Variants in XKR4 observed in about 807,000 individuals in gnomAD.
The protein encoded by XKR4 is XK-related protein 4.
XKR4 carries 12 observed loss-of-function variants against 53.9 expected under a neutral mutation model. That is an observed-to-expected ratio of 0.22 (90% CI 0.14 to 0.36). The LOEUF (loss-of-function observed/expected upper bound fraction) is 0.36. XKR4 is among the 10% of genes least tolerant of loss of function. The pLI is 1.00. For synonymous variants in XKR4, 354 were observed against 362.4 expected (o/e 0.98, Z 0.26); for missense variants, 799 against 859.5 (o/e 0.93, Z 0.88).
intron 1 of XKR4, among the ~76,000 whole-genome samples, chr8:55,269,283 T>G (rs1818654779): frequency 6.6e-6 from 1 of 152,138 alleles, no homozygotes; most frequent in South Asian, 2.1e-4. Context: ...CTTTTTTTTT[T>G]GTTCTAAGCT....
At chr8:55,289,749 AAGAAAGAAAGAG>A (rs1175295666) in intron 1 of XKR4, among the ~76,000 whole-genome samples, 2 of 147,258 alleles carry the variant, frequency 1.4e-5, no homozygotes, top group Non-Finnish European at 3.0e-5. Context: ...AAGAAAAAGA[AAGAAAGAAAGAG>A]AGAAAGAAAG....
chr8:55,382,100 A>G (rs918273036), intron 2 of XKR4, among the ~76,000 whole-genome samples: 7 of 152,244 alleles, frequency 4.6e-5, no homozygotes, highest in African/African-American at 1.2e-4. Context: ...GCTTTATAAC[A>G]TTGTAATTGG....
chr8:55,473,228 G>T (rs1164120279), intron 2 of XKR4, among the ~76,000 whole-genome samples: 1 of 152,046 alleles, frequency 6.6e-6, no homozygotes, highest in Non-Finnish European at 1.5e-5. Flanking sequence ...CCTTATAATT[G>T]ACCTGGCCTA....
intron 2 of XKR4, among the ~76,000 whole-genome samples, chr8:55,360,748 T>C (rs1037516433): frequency 1.3e-5 from 2 of 152,194 alleles, no homozygotes; most frequent in African/African-American, 4.8e-5. Flanking sequence ...TTTTAAAAAA[T>C]AAGAAAAATC....
intron 1 of XKR4, among the ~76,000 whole-genome samples, chr8:55,284,558 T>C (rs1188760152): frequency 6.6e-6 from 1 of 152,162 alleles, no homozygotes; most frequent in Non-Finnish European, 1.5e-5. Context: ...AGCATCTCCA[T>C]AGGTCTACTT....
intron 1 of XKR4, among the ~76,000 whole-genome samples, chr8:55,133,238 A>G (rs927199943): frequency 6.6e-6 from 1 of 152,262 alleles, no homozygotes; most frequent in Non-Finnish European, 1.5e-5. Context: ...AGAGTCTACA[A>G]TAAAGGGTAA....
chr8:55,420,063 C>T (rs1370190836), intron 2 of XKR4, among the ~76,000 whole-genome samples: 4 of 152,160 alleles, frequency 2.6e-5, no homozygotes, highest in South Asian at 2.1e-4. Context: ...CTATGACAAA[C>T]ATAGAAAGCA....
chr8:55,516,419 A>G (rs1585615404), intron 2 of XKR4, among the ~76,000 whole-genome samples: 1 of 152,228 alleles, frequency 6.6e-6, no homozygotes, highest in Admixed American at 6.5e-5. Flanking sequence ...GTTATGTTGT[A>G]AATCATCCAT....
chr8:55,157,454 A>G (rs1816923126), intron 1 of XKR4, among the ~76,000 whole-genome samples: 1 of 152,196 alleles, frequency 6.6e-6, no homozygotes, highest in African/African-American at 2.4e-5. Flanking sequence ...ATCTTCTGCA[A>G]GATGAGAAAA....
At position 55,102,389 on chromosome 8, in the gene XKR4, C is replaced by A; in HGVS notation, c.-100C>A. 1 of 1,387,272 alleles carries A rather than the reference C, an allele frequency of 7.2e-7. No individual in the cohort carries two copies. Among genetic ancestry groups the A allele is most frequent in the Admixed American group, 2.4e-5 (1 of 41,186 alleles). 85.9% of individuals were successfully genotyped at this position (1,387,272 alleles called of 1,614,324 possible). A position where few individuals can be genotyped will look rare whatever the true frequency, so the allele number is the denominator to read the frequency against. ...GCAGGAGGAGGGGGAGCCGCACCGC[C>A]TGGGAGGGAAGCCGGGGCGAGGCGA... On this transcript the variant is annotated 5_prime_UTR_variant, in exon 1 of 3. The change creates a new upstream start codon in the 5' untranslated region. Coordinates refer to ENST00000327381, the MANE Select transcript of XKR4 (RefSeq NM_052898.2). This position sits in a 1 kb window ranked among gnomAD's most constrained non-coding sequence, Gnocchi z 5.1.
chr8:55,282,975 TG>T (rs1201558135), intron 1 of XKR4, among the ~76,000 whole-genome samples: 1 of 152,190 alleles, frequency 6.6e-6, no homozygotes, highest in Non-Finnish European at 1.5e-5. Flanking sequence ...TTTCTTATAT[TG>T]AGACATATTC....
intron 1 of XKR4, among the ~76,000 whole-genome samples, chr8:55,326,996 T>C (rs1242463675): frequency 1.3e-5 from 2 of 152,054 alleles, no homozygotes; most frequent in African/African-American, 4.8e-5. Flanking sequence ...CTTGAAGTCA[T>C]CTTATTCGAG....
rs199780374 is a variant in XKR4, at chr8:55,303,788, C to T, written c.807-53890C>T. On this transcript the variant is annotated intron_variant, in intron 1 of 2. Transcript: ENST00000327381. Reference sequence around the variant, plus strand: ...AGATTTTCTAGTTTATTTGCGTAGACGTGTTTGTAGTATTCTCTGATGGTA... The same window carrying T: ...AGATTTTCTAGTTTATTTGCGTAGATGTGTTTGTAGTATTCTCTGATGGTA... Among the ~76,000 whole-genome samples, 72 of 151,324 alleles carry T rather than the reference C, an allele frequency of 4.8e-4. 1 individual carries two copies. In the South Asian group the frequency reaches 0.013, roughly 27 times the overall value.
At chr8:55,426,440 C>T (rs563031352) in intron 2 of XKR4, among the ~76,000 whole-genome samples, 3 of 152,206 alleles carry the variant, frequency 2.0e-5, no homozygotes, top group South Asian at 2.1e-4. Flanking sequence ...GTTTGGTGCC[C>T]TTACTGTACA....
chr8:55,109,015 T>A (rs1459623301), intron 1 of XKR4, among the ~76,000 whole-genome samples: 1 of 152,164 alleles, frequency 6.6e-6, no homozygotes, highest in African/African-American at 2.4e-5. Flanking sequence ...CCATAGTAAG[T>A]GCTGAACTGT....
chr8:55,428,762 C>T (rs1283259387), intron 2 of XKR4, among the ~76,000 whole-genome samples: 5 of 152,018 alleles, frequency 3.3e-5, no homozygotes, highest in East Asian at 3.9e-4. Flanking sequence ...AAAGCACTGA[C>T]GAAAGAAAGT....
intron 1 of XKR4, chr8:55,142,037 A>G (rs1816711944): frequency 2.2e-6 from 1 of 454,484 alleles, no homozygotes; most frequent in Non-Finnish European, 4.4e-6. Context: ...GGCTGAACTC[A>G]GAGCCCTGCC....
At chr8:55,330,963 A>G (rs1585524333) in intron 1 of XKR4, among the ~76,000 whole-genome samples, 1 of 152,258 alleles carries the variant, frequency 6.6e-6, no homozygotes, top group East Asian at 1.9e-4. Context: ...TATACATAAT[A>G]TAAAATTTAA....
rs1352050939 is a variant in XKR4 at position 55,516,409 on chromosome 8, G to A, written c.1007-6872G>A. 8.5e-5 allele frequency among the ~76,000 whole-genome samples: 13 copies of A among 152,168 alleles called. No homozygotes were observed. The East Asian group carries it at 2.3e-3, about 27-fold the overall frequency. ...GTGATCATCTCACCTCTATAGTAGG[G>A]TTATGTTGTAAATCATCCATTCTTA... On this transcript the variant is annotated intron_variant, in intron 2 of 2. Coordinates refer to ENST00000327381, the MANE Select transcript of XKR4 (RefSeq NM_052898.2).
Sources: gnomAD v4.1 joint callset for allele counts (sites outside exome capture counted in the v4.1 genomes callset) on GRCh38, gnomAD v4.1.1 for gene constraint, Gnocchi (gnomAD v3.1) non-coding constraint, MANE v1.5 for transcripts, NCBI Gene and HGNC (gene_info 2026-07-23, HGNC 2026-07-21) for gene names.